Variants in TSPAN13 observed in about 807,000 individuals in gnomAD.
TSPAN13 encodes the protein tetraspanin 13, also known as tetraspanin-13.
In TSPAN13, 18 loss-of-function variants were observed where a neutral mutation model predicts 26.9. The observed-to-expected ratio is 0.67, with a 90% CI of 0.46 to 0.99. The LOEUF (loss-of-function observed/expected upper bound fraction) is 0.99. TSPAN13 is among the 50% of genes least tolerant of loss of function. The pLI is 0.00. For synonymous variants in TSPAN13, 116 were observed against 98.4 expected, an observed-to-expected ratio of 1.18 and a Z score of -1.06; for missense variants, 201 against 249.6, an observed-to-expected ratio of 0.81 and a Z score of 1.31.
At chr7:16,770,501 C>T (rs939081708) in intron 1 of TSPAN13, among the ~76,000 whole-genome samples, 56 of 152,318 alleles carry the variant, frequency 3.7e-4, no homozygotes, top group South Asian at 1.5e-3. Context: ...TGAGCCACCG[C>T]GCCCAGCCCC....
chr7:16,753,845 C>A lies in TSPAN13; in HGVS notation c.-123C>A. 2 of 1,059,660 alleles carry A rather than the reference C, an allele frequency of 1.9e-6. No individual in the cohort carries two copies. Among genetic ancestry groups the A allele is most frequent in the Non-Finnish European group, 2.8e-6 (2 of 706,564 alleles). 65.6% of individuals were successfully genotyped at this position (1,059,660 alleles called of 1,614,324 possible). On this transcript the variant is annotated 5_prime_UTR_variant, in exon 1 of 6. Transcript: ENST00000262067. ...CACTGCAGCCCCAGGCCCCGGCCCCCCACCCACGTCTGCGTTGCTGCCCCG... is the reference window on the plus strand; with the variant it reads ...CACTGCAGCCCCAGGCCCCGGCCCCACACCCACGTCTGCGTTGCTGCCCCG...
rs562922758 is a variant in TSPAN13, at chr7:16,753,794, C to G, written c.-174C>G. 21 of 511,434 alleles carry G rather than the reference C, an allele frequency of 4.1e-5. No individual in the cohort carries two copies. The highest frequency in any genetic ancestry group is 3.3e-4 in the East Asian group (9 of 27,364). 31.7% of individuals were successfully genotyped at this position (511,434 alleles called of 1,614,324 possible). On this transcript the variant is annotated 5_prime_UTR_variant, in exon 1 of 6. Coordinates refer to ENST00000262067, the MANE Select transcript of TSPAN13 (RefSeq NM_014399.4). ...GCGGCCGCAGGTTCCAAAGCGGGTC[C>G]GAGCCGCCGCCGCGCGCGCGCCGCG... is the stretch of plus-strand genomic sequence containing the variant.
chr7:16,754,683 C>T (rs1784462731), intron 1 of TSPAN13, among the ~76,000 whole-genome samples: 1 of 152,158 alleles, frequency 6.6e-6, no homozygotes, highest in Non-Finnish European at 1.5e-5. Flanking sequence ...ATCCTAACTC[C>T]ATTTTAAACC....
At chr7:16,768,863 G>GT (rs1483760428) in intron 1 of TSPAN13, among the ~76,000 whole-genome samples, 1 of 152,050 alleles carries the variant, frequency 6.6e-6, no homozygotes, top group Non-Finnish European at 1.5e-5. Context: ...TTAAAATGAG[G>GT]TATTTGTCAT....
chr7:16,776,163 C>G (rs993101904), intron 1 of TSPAN13, 48 bp from the exon 2 acceptor site: 2 of 1,576,770 alleles, frequency 1.3e-6, no homozygotes, highest in Non-Finnish European at 1.7e-6. Flanking sequence ...TCCCCATTCT[C>G]TCTCCTCTCT....
At chr7:16,777,997 G>T (rs1006863305) in intron 4 of TSPAN13, 86 bp downstream of exon 4, 4 of 918,966 alleles carry the variant, frequency 4.4e-6, no homozygotes, top group Non-Finnish European at 6.6e-6. Context: ...TTCTGATGCT[G>T]AATTGTATTT....
intron 1 of TSPAN13, among the ~76,000 whole-genome samples, chr7:16,755,290 G>A (rs1303403909): frequency 6.6e-6 from 1 of 152,160 alleles, no homozygotes; most frequent in African/African-American, 2.4e-5. Flanking sequence ...CTGTTCCTTT[G>A]TATGTGAACA....
At chr7:16,781,895 T>C (rs1333661561) in intron 5 of TSPAN13, among the ~76,000 whole-genome samples, 1 of 152,198 alleles carries the variant, frequency 6.6e-6, no homozygotes, top group African/African-American at 2.4e-5. Flanking sequence ...TAACAGCTAG[T>C]GTGGCTGAGA....
At chr7:16,760,853 C>T (rs892533107) in intron 1 of TSPAN13, among the ~76,000 whole-genome samples, 20 of 152,074 alleles carry the variant, frequency 1.3e-4, no homozygotes, top group African/African-American at 4.6e-4. Flanking sequence ...AGAGCAGTTA[C>T]CCTTTTATTT....
In TSPAN13 at chr7:16,770,680, T is replaced by G. The variant is rs185443808; in HGVS notation, c.64-5531T>G. On this transcript the variant is annotated intron_variant, in intron 1 of 5. Transcript: ENST00000262067. ...TGTGATTTTTTGATTGGCAGCAATGTTTTTATTTTTTTCTTTGGGAATCCT... is the reference window on the plus strand; with the variant it reads ...TGTGATTTTTTGATTGGCAGCAATGGTTTTATTTTTTTCTTTGGGAATCCT... Among the ~76,000 whole-genome samples the G allele has an allele frequency of 3.3e-3, 502 of 152,300 alleles. 1 individual carries two copies. Among genetic ancestry groups the G allele is most frequent in the Non-Finnish European group, 5.2e-3 (354 of 68,030 alleles).
intron 1 of TSPAN13, 93 bp downstream of exon 1, chr7:16,754,123 T>G: frequency 7.6e-7 from 1 of 1,313,150 alleles, no homozygotes; most frequent in Non-Finnish European, 1.1e-6. Context: ...ACTCACTCGT[T>G]GCATCCCGCG....
At chr7:16,767,164 A>G (rs1383614304) in intron 1 of TSPAN13, among the ~76,000 whole-genome samples, 1 of 152,182 alleles carries the variant, frequency 6.6e-6, no homozygotes, top group African/African-American at 2.4e-5. Context: ...CCAACTCTCC[A>G]GTCCCTTTCC....
chr7:16,776,177 G>A (rs747625662), intron 1 of TSPAN13, 34 bp from the exon 2 acceptor site: 20 of 1,601,740 alleles, frequency 1.2e-5, no homozygotes, highest in African/African-American at 5.4e-5. Flanking sequence ...CCTCTCTCTC[G>A]TCCTCTACCC....
At chr7:16,773,965 C>G (rs775417497) in intron 1 of TSPAN13, among the ~76,000 whole-genome samples, 1 of 152,112 alleles carries the variant, frequency 6.6e-6, no homozygotes, top group African/African-American at 2.4e-5. Context: ...GGCTGTGGTG[C>G]CCAGTTGTTT....
In TSPAN13 at chr7:16,783,636, A is replaced by G. The variant is rs1018321000; in HGVS notation, c.*145A>G. 1.4e-4 allele frequency: 107 copies of G among 742,344 alleles called. No individual in the cohort carries two copies. Among genetic ancestry groups the G allele is most frequent in the Admixed American group, 5.5e-4 (22 of 40,292 alleles). The allele number at this position is 742,344 out of a possible 1,614,324, so 46.0% of individuals were successfully genotyped here. On this transcript the variant is annotated 3_prime_UTR_variant, in exon 6 of 6. Coordinates refer to ENST00000262067, the MANE Select transcript of TSPAN13 (RefSeq NM_014399.4). ...TAGTGGAATTATATATTTTTACTCT[A>G]TGTTTCTCTACATGTTTTTTTCTTT...
At chr7:16,778,160 C>T (rs765638135) in intron 4 of TSPAN13, among the ~76,000 whole-genome samples, 19 of 152,112 alleles carry the variant, frequency 1.2e-4, no homozygotes, top group Admixed American at 1.3e-4. Context: ...AATTTCTTCC[C>T]ATCCTTCTCT....
chr7:16,758,050 G>A (rs1784501245), intron 1 of TSPAN13, among the ~76,000 whole-genome samples: 1 of 152,080 alleles, frequency 6.6e-6, no homozygotes, highest in Non-Finnish European at 1.5e-5. Flanking sequence ...GGCCAGGCTG[G>A]TCTTGAACTC....
chr7:16,759,513 C>G lies in TSPAN13; in HGVS notation c.63+5483C>G, dbSNP rs141580423. Among the ~76,000 whole-genome samples the G allele has an allele frequency of 5.3e-3, 799 of 152,148 alleles. 9 individuals are homozygous for G. Among genetic ancestry groups the G allele is most frequent in the African/African-American group, 0.017 (711 of 41,518 alleles). On this transcript the variant is annotated intron_variant, in intron 1 of 5. Transcript: ENST00000262067. Reference sequence around the variant, plus strand: ...CCCTACGAATCACCTCCCTCCAGGCCCCACCTCCAACATTGGGGATTACAT... The same window carrying G: ...CCCTACGAATCACCTCCCTCCAGGCGCCACCTCCAACATTGGGGATTACAT...
chr7:16,782,488 T>C (rs899337782), intron 5 of TSPAN13, among the ~76,000 whole-genome samples: 2 of 152,224 alleles, frequency 1.3e-5, no homozygotes, highest in Non-Finnish European at 2.9e-5. Context: ...TTGTATCTTT[T>C]TTAGCCTAAA....
Sources: gnomAD v4.1 joint callset for allele counts (sites outside exome capture counted in the v4.1 genomes callset) on GRCh38, gnomAD v4.1.1 for gene constraint, MANE v1.5 for transcripts, NCBI Gene and HGNC (gene_info 2026-07-23, HGNC 2026-07-21) for gene names.